The following DAB1 variants were observed in gnomAD, a reference collection of about 807,000 sequenced individuals.
DAB1 encodes the protein DAB adaptor protein 1.
In DAB1, 15 loss-of-function variants were observed where a neutral mutation model predicts 64.6. That is an observed-to-expected ratio of 0.23 (90% CI 0.16 to 0.36). The LOEUF (loss-of-function observed/expected upper bound fraction) is 0.36, where lower values mean the gene tolerates loss of function less well. Among genes scored for constraint, DAB1 ranks in the 10% least tolerant of loss-of-function variants. The probability of loss-of-function intolerance (pLI) is 1.00; values close to 1 mark genes in which losing one functional copy is unlikely to be tolerated. For missense variants in DAB1, 596 were observed against 706.7 expected (o/e 0.84, Z 1.78); for synonymous variants, 235 against 251.9 (o/e 0.93, Z 0.64).
At chr1:57,922,039 A>G (rs1202816) in intron 5 of DAB1, among the ~76,000 whole-genome samples, 97,781 of 152,080 alleles carry the variant, frequency 0.64, 31,968 homozygotes, top group Middle Eastern at 0.69. Context: ...TTCCTTAAAT[A>G]TCACCCTATC....
intron 3 of DAB1, among the ~76,000 whole-genome samples, chr1:58,433,667 G>A (rs1287721178): frequency 6.8e-6 from 1 of 147,044 alleles, no homozygotes; most frequent in Non-Finnish European, 1.5e-5. Context: ...GGGGGGAGGC[G>A]GGGGAGAGAG....
chr1:57,882,318 C>T (rs1644157298), intron 1 of DAB1, among the ~76,000 whole-genome samples: 1 of 152,132 alleles, frequency 6.6e-6, no homozygotes, highest in South Asian at 2.1e-4. Flanking sequence ...GGAGGGGGCA[C>T]AGGGCAGACC....
chr1:57,472,487 G>A (rs1237705868), intron 7 of DAB1, among the ~76,000 whole-genome samples: 1 of 152,340 alleles, frequency 6.6e-6, no homozygotes, highest in East Asian at 1.9e-4. Context: ...GGGCCTGGTA[G>A]TTAAAGATCA....
intron 3 of DAB1, among the ~76,000 whole-genome samples, chr1:58,489,238 C>T (rs1645631765): frequency 6.6e-6 from 1 of 152,172 alleles, no homozygotes; most frequent in South Asian, 2.1e-4. Context: ...TGGGTCACTC[C>T]CACCCTAATA....
chr1:58,406,321 CA>C (rs1249327990), intron 3 of DAB1, among the ~76,000 whole-genome samples: 3 of 152,170 alleles, frequency 2.0e-5, no homozygotes, highest in African/African-American at 7.2e-5. Flanking sequence ...TCTCTGAAAG[CA>C]AAAAGAGAAC....
At chr1:57,997,304 T>A (rs1309499337) in intron 5 of DAB1, among the ~76,000 whole-genome samples, 1 of 152,202 alleles carries the variant, frequency 6.6e-6, no homozygotes, top group Non-Finnish European at 1.5e-5. Context: ...TCTCAAGTGC[T>A]GGAAGTGCTG....
chr1:57,174,650 G>A (rs532778527), intron 2 of DAB1, among the ~76,000 whole-genome samples: 4 of 152,252 alleles, frequency 2.6e-5, no homozygotes, highest in South Asian at 4.2e-4. Context: ...AGCTCTGTAG[G>A]TGAAGTACAG....
At chr1:57,826,261 A>G (rs1466808835) in exon 2 of DAB1, 1 of 152,224 alleles carries the variant, frequency 6.6e-6, no homozygotes, top group Non-Finnish European at 1.5e-5. Context: ...GATGTGATAT[A>G]TGTATATAGA....
At position 58,303,017 on chromosome 1, in the gene DAB1, A is replaced by G. The variant is rs1662209897; in HGVS notation, n.309+40335T>C. Among the ~76,000 whole-genome samples the G allele has an allele frequency of 1.3e-5, 2 of 152,090 alleles. 1 individual carries two copies. The highest frequency in any genetic ancestry group is 4.8e-5 in the African/African-American group (2 of 41,412). On this transcript the variant is annotated intron_variant and non_coding_transcript_variant, in intron 4 of 20. Transcript: ENST00000485760. ...TTATCACAGGGGGCTGGTCTCTGCA[A>G]ACTATATTTTTAAGAATTCCTTACC...
intron 3 of DAB1, among the ~76,000 whole-genome samples, chr1:58,456,126 A>T (rs1400657305): frequency 1.3e-5 from 2 of 152,258 alleles, no homozygotes; most frequent in Non-Finnish European, 2.9e-5. Context: ...AATACTTGGA[A>T]TCTCTCAATT....
At chr1:58,333,875 C>T (rs149191406) in intron 4 of DAB1, among the ~76,000 whole-genome samples, 215 of 152,304 alleles carry the variant, frequency 1.4e-3, no homozygotes, top group African/African-American at 4.7e-3. Flanking sequence ...GTGAAGACAA[C>T]CTCTAAACCA....
At chr1:57,057,849 C>T (rs549358413) in intron 9 of DAB1, among the ~76,000 whole-genome samples, 2 of 152,176 alleles carry the variant, frequency 1.3e-5, no homozygotes, top group Admixed American at 1.3e-4. Context: ...ACCTCCTGAT[C>T]CGCCCGCCTT....
At chr1:57,949,243 G>A (rs1425103228) in intron 5 of DAB1, among the ~76,000 whole-genome samples, 2 of 152,174 alleles carry the variant, frequency 1.3e-5, no homozygotes, top group Non-Finnish European at 2.9e-5. Context: ...CTCACAAGGA[G>A]TGCACAGCCT....
intron 11 of DAB1, among the ~76,000 whole-genome samples, chr1:57,017,491 T>C (rs1345086328): frequency 6.6e-6 from 1 of 152,150 alleles, no homozygotes; most frequent in African/African-American, 2.4e-5. Flanking sequence ...TGTACCCGCC[T>C]TCATCTGACT....
At chr1:57,910,101 A>C (rs1221384734) in intron 5 of DAB1, among the ~76,000 whole-genome samples, 1 of 152,216 alleles carries the variant, frequency 6.6e-6, no homozygotes, top group East Asian at 1.9e-4. Flanking sequence ...CAGAGCTACA[A>C]AAATAAAATC....
chr1:57,403,919 C>G (rs1428470049), intron 1 of DAB1, among the ~76,000 whole-genome samples: 1 of 152,116 alleles, frequency 6.6e-6, no homozygotes, highest in African/African-American at 2.4e-5. Context: ...CTATATTGTA[C>G]TGTGCAGATA....
intron 7 of DAB1, among the ~76,000 whole-genome samples, chr1:57,589,797 G>C (rs576451330): frequency 5.9e-5 from 9 of 152,196 alleles, no homozygotes; most frequent in Non-Finnish European, 7.4e-5. Context: ...AGAAATAAAA[G>C]TAGCCAATGC....
At chr1:58,399,595 C>T (rs1463192872) in intron 3 of DAB1, among the ~76,000 whole-genome samples, 2 of 152,130 alleles carry the variant, frequency 1.3e-5, no homozygotes, top group South Asian at 2.1e-4. Context: ...CTCCAAAGTC[C>T]GAGCTCTAAC....
chr1:57,243,072 T>C (rs541187139), intron 2 of DAB1, among the ~76,000 whole-genome samples: 44 of 152,304 alleles, frequency 2.9e-4, no homozygotes, highest in African/African-American at 1.1e-3. Context: ...GCGGATACTC[T>C]GAGGTTCCCC....
Sources: gnomAD v4.1 joint callset for allele counts (sites outside exome capture counted in the v4.1 genomes callset) on GRCh38, gnomAD v4.1.1 for gene constraint, MANE v1.5 for transcripts, NCBI Gene and HGNC (gene_info 2026-07-23, HGNC 2026-07-21) for gene names.